The following SQSTM1 variants were observed in gnomAD, a reference collection of about 807,000 sequenced individuals.
The protein encoded by SQSTM1 is sequestosome-1.
Under a neutral mutation model 45.1 loss-of-function variants are expected in SQSTM1, and 36 were observed. The observed-to-expected ratio is 0.80, with a 90% CI of 0.61 to 1.05. The LOEUF (loss-of-function observed/expected upper bound fraction) is 1.05, where lower values mean the gene tolerates loss of function less well. SQSTM1 is among the 50% of genes least tolerant of loss of function. SQSTM1 has a pLI of 0.00. For missense variants in SQSTM1, 617 were observed against 607.1 expected (o/e 1.02, Z -0.17); for synonymous variants, 290 against 244.3 (o/e 1.19, Z -1.74).
Position 179,836,709 on chromosome 5 carries a change from G to C in SQSTM1, c.*116G>C. 6 of 1,528,904 alleles carry C rather than the reference G, an allele frequency of 3.9e-6. No individual in the cohort carries two copies. Among genetic ancestry groups the C allele is most frequent in the Non-Finnish European group, 5.4e-6 (6 of 1,105,738 alleles). The allele number at this position is 1,528,904 out of a possible 1,614,324, so 94.7% of individuals were successfully genotyped here. A position where few individuals can be genotyped will look rare whatever the true frequency, so the allele number is the denominator to read the frequency against. ...TTCTCTGCCTTCTTCCAGGATCAGG[G>C]GTTAGGGTGCAAGAAGCCATTTAGG... On this transcript the variant is annotated 3_prime_UTR_variant, in exon 8 of 8. Coordinates refer to ENST00000389805, the MANE Select transcript of SQSTM1 (RefSeq NM_003900.5).
chr5:179,831,794 T>TC, intron 5 of SQSTM1, among the ~76,000 whole-genome samples: 1 of 151,500 alleles, frequency 6.6e-6, no homozygotes, highest in Admixed American at 6.6e-5. Context: ...AATGTTCTTT[T>TC]TTTTTTTTGA....
chr5:179,815,542 C>T (rs1757555051), upstream of SQSTM1, among the ~76,000 whole-genome samples: 1 of 152,166 alleles, frequency 6.6e-6, no homozygotes, highest in Non-Finnish European at 1.5e-5. Flanking sequence ...CAGCATTAGG[C>T]CAGCCTGGAT....
chr5:179,816,192 A>G (rs1757572744), upstream of SQSTM1, among the ~76,000 whole-genome samples: 1 of 152,196 alleles, frequency 6.6e-6, no homozygotes, highest in African/African-American at 2.4e-5. Flanking sequence ...TGAGGCACCA[A>G]GATTGGAGTG....
chr5:179,813,793 AAGGGGCTGGAGAGAATAAG>A (rs1270207193), intron 2 of SQSTM1, among the ~76,000 whole-genome samples: 3 of 152,294 alleles, frequency 2.0e-5, no homozygotes, highest in African/African-American at 7.2e-5. Flanking sequence ...CAGGCATGGA[AAGGGGCTGGAGAGAATAAG>A]AGGAAACAGA....
At chr5:179,807,650 GTTTT>G (rs1279864946) in intron 1 of SQSTM1, 1 of 151,606 alleles carries the variant, frequency 6.6e-6, no homozygotes, top group Non-Finnish European at 1.5e-5. Flanking sequence ...GTTTTTTGTT[GTTTT>G]TTGTTTGTTT....
At chr5:179,827,740 G>T (rs1238756260) in intron 5 of SQSTM1, among the ~76,000 whole-genome samples, 3 of 152,056 alleles carry the variant, frequency 2.0e-5, no homozygotes, top group African/African-American at 7.3e-5. Context: ...GAGCGGCTTA[G>T]ACTGTTGTGG....
chr5:179,820,687 C>T, upstream of SQSTM1: 1 of 431,010 alleles, frequency 2.3e-6, no homozygotes, highest in Non-Finnish European at 4.1e-6. Flanking sequence ...CCTTGGTGCA[C>T]CGGGGCAATG....
At chr5:179,828,369 CTTTTT>C (rs57483633) in intron 5 of SQSTM1, among the ~76,000 whole-genome samples, 222 of 98,262 alleles carry the variant, frequency 2.3e-3, no homozygotes, top group African/African-American at 8.0e-3. Flanking sequence ...TTTTTCTTAT[CTTTTT>C]TTTTTTTTTT....
intron 7 of SQSTM1, 117 bp from the exon 8 acceptor site, chr5:179,836,319 G>T: frequency 7.2e-7 from 1 of 1,388,510 alleles, no homozygotes. Flanking sequence ...GAGAGCTCTG[G>T]GCAGGCTCGG....
intron 1 of SQSTM1, chr5:179,822,379 G>C: frequency 5.8e-6 from 1 of 171,764 alleles, no homozygotes; most frequent in Non-Finnish European, 1.3e-5. Context: ...CTGTGCCCTC[G>C]GTGGATGGCG....
intron 1 of SQSTM1, chr5:179,807,191 C>T (rs1199514265): frequency 6.5e-6 from 1 of 152,848 alleles, no homozygotes; most frequent in Non-Finnish European, 1.5e-5. Flanking sequence ...GGGCGGCGCT[C>T]CGGGACCCCG....
intron 5 of SQSTM1, among the ~76,000 whole-genome samples, chr5:179,829,202 C>T (rs183062815): frequency 2.6e-3 from 395 of 152,300 alleles, no homozygotes; most frequent in African/African-American, 9.2e-3. Context: ...GGGTGAGGCA[C>T]CAGCCTGAAA....
At position 179,837,868 on chromosome 5, in the gene SQSTM1, TG is replaced by T; in HGVS notation, c.*1276del. The T allele has an allele frequency of 1.9e-6, 3 of 1,606,942 alleles. No individual in the cohort carries two copies. Among genetic ancestry groups the T allele is most frequent in the East Asian group, 2.2e-5 (1 of 44,874 alleles). On this transcript the variant is annotated 3_prime_UTR_variant, in exon 8 of 8. Coordinates refer to ENST00000389805, the MANE Select transcript of SQSTM1 (RefSeq NM_003900.5). Reference sequence around the variant, plus strand: ...GGCTGCTGCCTTGTTTCACCTTCCATGTCAGGCCAGCCTGTCCCTGAAAGAG... The same window carrying T: ...GGCTGCTGCCTTGTTTCACCTTCCATTCAGGCCAGCCTGTCCCTGAAAGAG...
In SQSTM1 at chr5:179,823,915, A is replaced by T. The variant is rs1562654519; in HGVS notation, c.359A>T (p.Asn120Ile). 7 of 1,613,722 alleles carry T rather than the reference A, an allele frequency of 4.3e-6. No individual in the cohort carries two copies. Among genetic ancestry groups the T allele is most frequent in the Non-Finnish European group, 5.9e-6 (7 of 1,180,006 alleles). Residue 120 changes from asparagine to isoleucine, a missense_variant, in exon 3 of 8, where the codon AAC becomes ATC. Asn to Ile is a moderately radical substitution (Grantham distance 149, BLOSUM62 -3). Transcript: ENST00000389805. ...CCGTGTGCTCAGGAGGCGCCCCGCAACATGGTGCACCCCAATGTGATCTGC... is the reference window on the plus strand; with the variant it reads ...CCGTGTGCTCAGGAGGCGCCCCGCATCATGGTGCACCCCAATGTGATCTGC... ...RPPCAQEAPRNMVHPNVICDG... is the reference protein window; with the variant it reads ...RPPCAQEAPRIMVHPNVICDG...
intron 5 of SQSTM1, among the ~76,000 whole-genome samples, chr5:179,832,461 G>A (rs890806730): frequency 2.0e-5 from 3 of 152,210 alleles, no homozygotes; most frequent in Admixed American, 6.5e-5. Context: ...CAGAGCTCCG[G>A]CGTTGAGGTG....
chr5:179,823,479 A>AAAAAAAAC (rs1757867754), intron 2 of SQSTM1: 1 of 214,398 alleles, frequency 4.7e-6, no homozygotes, highest in Non-Finnish European at 8.8e-6. Context: ...AAAAAAAAAA[A>AAAAAAAAC]AGACATTTTA....
rs149301701 is a variant in SQSTM1, at chr5:179,833,930, G to A, written c.1165+148G>A. 6.6e-5 allele frequency: 55 copies of A among 837,858 alleles called. No individual in the cohort carries two copies. The African/African-American group carries it at 7.8e-4, about 12-fold the overall frequency. The allele number at this position is 837,858 out of a possible 1,614,324, so 51.9% of individuals were successfully genotyped here. ...GTGTGGGAGGTTAGGAGTTGGTTTT[G>A]TCCTATTATGTGTACCCTGAGCAAT... On this transcript the variant is annotated intron_variant, in intron 7 of 7. Transcript: ENST00000389805.
chr5:179,823,817 A>G (rs1757881707), intron 2 of SQSTM1, 41 bp from the exon 3 acceptor site: 1 of 1,596,734 alleles, frequency 6.3e-7, no homozygotes, highest in Non-Finnish European at 8.5e-7. Flanking sequence ...GGAGGACTTT[A>G]GGGGGTCCCA....
chr5:179,814,223 G>A (rs1757514980), upstream of SQSTM1, among the ~76,000 whole-genome samples: 1 of 152,204 alleles, frequency 6.6e-6, no homozygotes, highest in Non-Finnish European at 1.5e-5. Context: ...TAAGAGGGCA[G>A]AGGAAAAGCT....
Sources: allele counts gnomAD v4.1 joint callset (sites outside exome capture counted in the v4.1 genomes callset), GRCh38; gene constraint gnomAD v4.1.1; transcripts MANE v1.5; gene names NCBI Gene and HGNC (gene_info 2026-07-23, HGNC 2026-07-21).